Variants in GABBR1 observed in about 807,000 individuals in gnomAD.
GABBR1 encodes the protein gamma-aminobutyric acid type B receptor subunit 1, also known as GABA-B receptor, R1 subunit.
Under a neutral mutation model 117.7 loss-of-function variants are expected in GABBR1, and 35 were observed. The ratio of observed to expected loss-of-function variants is 0.30; its 90% confidence interval spans 0.23 to 0.39. GABBR1 has a LOEUF of 0.39. GABBR1 is among the 10% of genes least tolerant of loss of function. GABBR1 has a pLI of 1.00. For synonymous variants in GABBR1, 442 were observed against 486.6 expected, an observed-to-expected ratio of 0.91 and a Z score of 1.21; for missense variants, 709 against 1,241.8, an observed-to-expected ratio of 0.57 and a Z score of 6.45.
rs1762586147 is a variant in GABBR1, at chr6:29,611,978, C to T, written c.1630+573G>A. 1.3e-5 allele frequency among the ~76,000 whole-genome samples: 2 copies of T among 152,038 alleles called. No individual in the cohort carries two copies. Among genetic ancestry groups the T allele is most frequent in the South Asian group, 4.2e-4 (2 of 4,816 alleles). ...TGGAAGCCACTGGGAAAGAGAGTAG[C>T]TGTTTTTAATTTGCATGTCTCTTTT... On this transcript the variant is annotated intron_variant, in intron 13 of 22. Coordinates refer to ENST00000377034, the MANE Select transcript of GABBR1 (RefSeq NM_001470.4). The surrounding 1 kb of genome is among the most constrained non-coding windows in gnomAD (Gnocchi z 4.6).
Position 29,609,240 on chromosome 6 carries a change from G to A in GABBR1, c.1848C>T (p.Asn616=), listed in dbSNP as rs1404419698. The A allele has an allele frequency of 1.2e-6, 2 of 1,613,046 alleles. No individual in the cohort carries two copies. Among genetic ancestry groups the A allele is most frequent in the Non-Finnish European group, 1.7e-6 (2 of 1,179,984 alleles). The part of the protein sequence containing the change: ...AVVCLSFNIY[N]SHVRYIQNSQ... ...GAAGAGAAACTTACCGGACATGTGAGTTGTAGATGTTAAAGGACAGACAGA... is the reference window on the plus strand; with the variant it reads ...GAAGAGAAACTTACCGGACATGTGAATTGTAGATGTTAAAGGACAGACAGA... The change falls in exon 15 of 23, where the codon AAC becomes AAT. Residue 616 remains asparagine (N), a synonymous_variant. Coordinates refer to ENST00000377034, the MANE Select transcript of GABBR1 (RefSeq NM_001470.4). The surrounding 1 kb of genome is among the most constrained non-coding windows in gnomAD (Gnocchi z 4.3).
At chr6:29,629,172 TC>T in intron 4 of GABBR1, 65 bp from the exon 5 acceptor site, 1 of 1,581,462 alleles carries the variant, frequency 6.3e-7, no homozygotes, top group Non-Finnish European at 8.7e-7. Context: ...CCTGGCCTGA[TC>T]CCCAGCCCCC....
At position 29,603,640 on chromosome 6, in the gene GABBR1, G is replaced by GCC; in HGVS notation, c.2788_2789insGG (p.Thr930ArgfsTer242). On this transcript the variant is annotated frameshift_variant, in exon 23 of 23. Transcript: ENST00000377034. LOFTEE classifies it high-confidence loss of function. Reference sequence around the variant, plus strand: ...CAGGCCCCCAGAGGGTTCTGGGGGTGTCGGTGGGTGGCGCCGGGAGCGGAG... The same window carrying GCC: ...CAGGCCCCCAGAGGGTTCTGGGGGTGCCTCGGTGGGTGGCGCCGGGAGCGGAG... The GCC allele has an allele frequency of 6.6e-7, 1 of 1,525,486 alleles. No individual in the cohort carries two copies. The highest frequency in any genetic ancestry group is 1.3e-5 in the South Asian group (1 of 76,258). 94.5% of individuals were successfully genotyped at this position (1,525,486 alleles called of 1,614,324 possible). A position where few individuals can be genotyped will look rare whatever the true frequency, so the allele number is the denominator to read the frequency against.
At chr6:29,615,806 CATCTGTA>C (rs1178293867) in intron 11 of GABBR1, among the ~76,000 whole-genome samples, 1 of 152,120 alleles carries the variant, frequency 6.6e-6, no homozygotes, top group East Asian at 1.9e-4. Context: ...CGGAGGCTCA[CATCTGTA>C]ATCTCAGGAC....
chr6:29,610,841 C>G, intron 14 of GABBR1, 83 bp downstream of exon 14: 1 of 1,189,706 alleles, frequency 8.4e-7, no homozygotes, highest in Non-Finnish European at 1.3e-6. Context: ...CAGTCTCTAC[C>G]ATTCCATCCT....
Position 29,627,762 on chromosome 6 carries a change from C to A in GABBR1, c.497-116G>T, listed in dbSNP as rs1409026213. 1 of 1,479,368 alleles carries A rather than the reference C, an allele frequency of 6.8e-7. No homozygotes were observed. The highest frequency in any genetic ancestry group is 8.9e-7 in the Non-Finnish European group (1 of 1,120,804). 91.6% of individuals were successfully genotyped at this position (1,479,368 alleles called of 1,614,324 possible). ...CAACCAGAAGCGGCAGTGGCCACCC[C>A]ACCCGGGCAAAAGGGGCCCCGGGCC... On this transcript the variant is annotated intron_variant, in intron 5 of 22. Transcript: ENST00000377034. The surrounding 1 kb of genome is among the most constrained non-coding windows in gnomAD (Gnocchi z 4.4).
At position 29,606,620 on chromosome 6, in the gene GABBR1, G is replaced by T. The variant is rs12193396; in HGVS notation, c.2218-136C>A. 19 of 712,708 alleles carry T rather than the reference G, an allele frequency of 2.7e-5. No homozygotes were observed. The highest frequency in any genetic ancestry group is 7.8e-5 in the East Asian group (3 of 38,248). The allele number at this position is 712,708 out of a possible 1,614,324, so 44.1% of individuals were successfully genotyped here. A position where few individuals can be genotyped will look rare whatever the true frequency, so the allele number is the denominator to read the frequency against. On this transcript the variant is annotated intron_variant, in intron 18 of 22. Coordinates refer to ENST00000377034, the MANE Select transcript of GABBR1 (RefSeq NM_001470.4). The surrounding 1 kb of genome is among the most constrained non-coding windows in gnomAD (Gnocchi z 4.5). ...ATGCCAAATCTCATTCTAGGCCTAAGAATGTTTTCCTGAACCCTTGGAGGT... is the reference window on the plus strand; with the variant it reads ...ATGCCAAATCTCATTCTAGGCCTAATAATGTTTTCCTGAACCCTTGGAGGT...
rs1762021414 is a variant in GABBR1, at chr6:29,606,959, C to T, written c.2155G>A (p.Gly719Ser). The change falls in exon 18 of 23, where the codon GGC becomes AGC. Residue 719 changes from glycine to serine, a missense_variant. Physicochemically the swap from Gly to Ser is moderately conservative, Grantham distance 56 (BLOSUM62 0). Around this residue, in one of 9 missense-constraint regions of GABBR1, gnomAD observed 251 missense variants for 445.3 expected, o/e 0.56. Coordinates refer to ENST00000377034, the MANE Select transcript of GABBR1 (RefSeq NM_001470.4). The surrounding 1 kb of genome is among the most constrained non-coding windows in gnomAD (Gnocchi z 4.5). ...ATGGCGAGAGTGAGGACATCCATGC[C>T]CACCAGCAGGCCCACTGTGGCATAC... ...KLYATVGLLV[G>S]MDVLTLAIWQ... is the part of the protein sequence containing the mutation. 6.2e-7 allele frequency: 1 copy of T among 1,614,082 alleles called. No homozygotes were observed.
At position 29,607,811 on chromosome 6, in the gene GABBR1, C is replaced by T. The variant is rs184147709; in HGVS notation, c.1993-593G>A. ...TCACGCCAGCAGTGAACTGTGTTCCCTTCTTTGCCCCCAAAGCACTTTGTG... is the reference window on the plus strand; with the variant it reads ...TCACGCCAGCAGTGAACTGTGTTCCTTTCTTTGCCCCCAAAGCACTTTGTG... On this transcript the variant is annotated intron_variant, in intron 16 of 22. Coordinates refer to ENST00000377034, the MANE Select transcript of GABBR1 (RefSeq NM_001470.4). This position sits in a 1 kb window ranked among gnomAD's most constrained non-coding sequence, Gnocchi z 5.0. 1.5e-3 allele frequency among the ~76,000 whole-genome samples: 235 copies of T among 152,358 alleles called. No individual in the cohort carries two copies. The highest frequency in any genetic ancestry group is 0.014 in the Middle Eastern group (4 of 294).
In GABBR1 at chr6:29,632,474, G is replaced by T; in HGVS notation, c.1-89C>A. The T allele has an allele frequency of 1.8e-6, 2 of 1,138,016 alleles. No individual in the cohort carries two copies. Among genetic ancestry groups the T allele is most frequent in the South Asian group, 2.0e-5 (1 of 49,104 alleles). 70.5% of individuals were successfully genotyped at this position (1,138,016 alleles called of 1,614,324 possible). ...TACTCGACCTCTTGCCGGTTGCCTC[G>T]CAGGCTCCGACCGGGCTCAGCCTGG... On this transcript the variant is annotated intron_variant, in intron 1 of 22. Transcript: ENST00000377034. This position sits in a 1 kb window ranked among gnomAD's most constrained non-coding sequence, Gnocchi z 5.8.
rs1481074967 is a variant in GABBR1 at position 29,632,697 on chromosome 6, C to T, written c.-1+153G>A. On this transcript the variant is annotated intron_variant, in intron 1 of 22. Coordinates refer to ENST00000377034, the MANE Select transcript of GABBR1 (RefSeq NM_001470.4). The surrounding 1 kb of genome is among the most constrained non-coding windows in gnomAD (Gnocchi z 5.8). ...CCTGGCTTACCCACGCTCCCGGCAT[C>T]GGCCGCCTCAGCGCTCCCCGATTCC... The T allele has an allele frequency of 7.1e-7, 1 of 1,410,140 alleles. No individual in the cohort carries two copies. Among genetic ancestry groups the T allele is most frequent in the Non-Finnish European group, 9.3e-7 (1 of 1,074,620 alleles). The allele number at this position is 1,410,140 out of a possible 1,614,324, so 87.4% of individuals were successfully genotyped here. A position where few individuals can be genotyped will look rare whatever the true frequency, so the allele number is the denominator to read the frequency against.
chr6:29,623,169 C>T lies in GABBR1; in HGVS notation c.963+136G>A. On this transcript the variant is annotated intron_variant, in intron 8 of 22. Coordinates refer to ENST00000377034, the MANE Select transcript of GABBR1 (RefSeq NM_001470.4). This position sits in a 1 kb window ranked among gnomAD's most constrained non-coding sequence, Gnocchi z 6.2. ...TTTCCCCTGGCTACAGAAAGAACTGCACTTAATCCACATGGAATGCGTTCT... is the reference window on the plus strand; with the variant it reads ...TTTCCCCTGGCTACAGAAAGAACTGTACTTAATCCACATGGAATGCGTTCT... 1.4e-6 allele frequency: 1 copy of T among 735,224 alleles called. No homozygotes were observed. Among genetic ancestry groups the T allele is most frequent in the South Asian group, 2.0e-5 (1 of 48,802 alleles). 45.5% of individuals were successfully genotyped at this position (735,224 alleles called of 1,614,324 possible). A position where few individuals can be genotyped will look rare whatever the true frequency, so the allele number is the denominator to read the frequency against.
Position 29,607,293 on chromosome 6 carries a change from C to T in GABBR1, c.1993-75G>A, listed in dbSNP as rs1208071258. On this transcript the variant is annotated intron_variant, in intron 16 of 22. Coordinates refer to ENST00000377034, the MANE Select transcript of GABBR1 (RefSeq NM_001470.4). This position sits in a 1 kb window ranked among gnomAD's most constrained non-coding sequence, Gnocchi z 5.0. Reference sequence around the variant, plus strand: ...GACTGCAGTAAGGATGGGCAGAACCCTAAGGGAGAGTGGGCAGGGAGCACG... The same window carrying T: ...GACTGCAGTAAGGATGGGCAGAACCTTAAGGGAGAGTGGGCAGGGAGCACG... The T allele has an allele frequency of 4.1e-6, 5 of 1,217,730 alleles. No individual in the cohort carries two copies. Among genetic ancestry groups the T allele is most frequent in the Non-Finnish European group, 6.0e-6 (5 of 827,850 alleles). The allele number at this position is 1,217,730 out of a possible 1,614,324, so 75.4% of individuals were successfully genotyped here.
chr6:29,628,134 A>C (rs1583018216), intron 5 of GABBR1: 1 of 264,222 alleles, frequency 3.8e-6, no homozygotes, highest in Non-Finnish European at 4.6e-6. Context: ...GGGAGGCAGG[A>C]AGGGGGCGGG....
rs762789061 is a variant in GABBR1, at chr6:29,603,529, C to T, written c.*14G>A. On this transcript the variant is annotated 3_prime_UTR_variant, in exon 23 of 23. Transcript: ENST00000377034. ...TTCCCTCCCCCTACTGGCCTGTCCT[C>T]CCTCACCCTACCCTCACTTATAAAG... 1 of 1,550,904 alleles carries T rather than the reference C, an allele frequency of 6.4e-7. No individual in the cohort carries two copies. The highest frequency in any genetic ancestry group is 8.7e-7 in the Non-Finnish European group (1 of 1,147,786).
At position 29,605,770 on chromosome 6, in the gene GABBR1, G is replaced by A. The variant is rs1426709079; in HGVS notation, c.2312-74C>T. 1 of 1,550,252 alleles carries A rather than the reference G, an allele frequency of 6.5e-7. No homozygotes were observed. Among genetic ancestry groups the A allele is most frequent in the Non-Finnish European group, 8.7e-7 (1 of 1,145,944 alleles). On this transcript the variant is annotated intron_variant, in intron 19 of 22. Transcript: ENST00000377034. The surrounding 1 kb of genome is among the most constrained non-coding windows in gnomAD (Gnocchi z 4.2). ...CTCACTCAATCCCCATCCCCTCTCT[G>A]CCCTTCACCTACTCTGAAATGGAAA...
rs1159022840 is a variant in GABBR1 at position 29,603,663 on chromosome 6, G to T, written c.2766C>A (p.Leu922=). ...LRHQLQSRQQ[L]RSRRHPPTPP... ...GTGTCGGTGGGTGGCGCCGGGAGCG[G>T]AGCTGCTGCCGAGACTGGAGTTGAT... The change falls in exon 23 of 23, where the codon CTC becomes CTA. Residue 922 remains leucine, a synonymous_variant. Transcript: ENST00000377034. 7.9e-6 allele frequency: 12 copies of T among 1,516,132 alleles called. No homozygotes were observed. Among genetic ancestry groups the T allele is most frequent in the Non-Finnish European group, 9.7e-6 (11 of 1,136,186 alleles). 93.9% of individuals were successfully genotyped at this position (1,516,132 alleles called of 1,614,324 possible).
In GABBR1 at chr6:29,606,887, C is replaced by T; in HGVS notation, c.2217+10G>A. On this transcript the variant is annotated intron_variant, in intron 18 of 22. Transcript: ENST00000377034. The surrounding 1 kb of genome is among the most constrained non-coding windows in gnomAD (Gnocchi z 4.5). The stretch of plus-strand genomic sequence containing the variant: ...TTCTCCTGACCATAGCACCTCCTCT[C>T]CAGTGGTACCTCAATGGTCCGGTGC... 6.2e-7 allele frequency: 1 copy of T among 1,610,094 alleles called. No individual in the cohort carries two copies. The highest frequency in any genetic ancestry group is 8.5e-7 in the Non-Finnish European group (1 of 1,176,306).
chr6:29,622,062 G>A lies in GABBR1; in HGVS notation c.1065+42C>T. ...CCAACCAGTCACTGTCCCCCAGCTT[G>A]GTCCCTCCGTAAACAGAGCCCACCA... On this transcript the variant is annotated intron_variant, in intron 9 of 22. Coordinates refer to ENST00000377034, the MANE Select transcript of GABBR1 (RefSeq NM_001470.4). The surrounding 1 kb of genome is among the most constrained non-coding windows in gnomAD (Gnocchi z 4.6). 1.3e-6 allele frequency: 2 copies of A among 1,530,310 alleles called. No individual in the cohort carries two copies. Among genetic ancestry groups the A allele is most frequent in the Non-Finnish European group, 1.8e-6 (2 of 1,104,750 alleles). The allele number at this position is 1,530,310 out of a possible 1,614,324, so 94.8% of individuals were successfully genotyped here.
Sources: allele counts gnomAD v4.1 joint callset (sites outside exome capture counted in the v4.1 genomes callset), GRCh38; gene constraint gnomAD v4.1.1; regional missense constraint gnomAD v4.1.1; non-coding constraint Gnocchi (gnomAD v3.1); transcripts MANE v1.5; gene names NCBI Gene and HGNC (gene_info 2026-07-23, HGNC 2026-07-21).